PCDHA12: variants seen among roughly 807,000 people sequenced by gnomAD.
The protein encoded by PCDHA12 is protocadherin alpha 12.
A neutral mutation model predicts 60.0 loss-of-function variants in PCDHA12; 44 were observed. The observed-to-expected ratio is 0.73, with a 90% CI of 0.58 to 0.94. The LOEUF (loss-of-function observed/expected upper bound fraction) is 0.94, where lower values mean the gene tolerates loss of function less well. PCDHA12 is among the 40% of genes least tolerant of loss of function. The pLI, the probability that PCDHA12 is intolerant of heterozygous loss-of-function variation, is 0.00. For missense variants in PCDHA12, 1,276 were observed against 1,239.7 expected, an observed-to-expected ratio of 1.03 and a Z score of -0.44; for synonymous variants, 569 against 553.0, an observed-to-expected ratio of 1.03 and a Z score of -0.40.
At chr5:140,915,232 C>T (rs1554196813) in intron 1 of PCDHA12, among the ~76,000 whole-genome samples, 1 of 152,156 alleles carries the variant, frequency 6.6e-6, no homozygotes, top group Non-Finnish European at 1.5e-5. Flanking sequence ...CAGGCATGAG[C>T]CACCATGCCT....
chr5:140,884,192 G>A, intron 1 of PCDHA12: 1 of 1,613,428 alleles, frequency 6.2e-7, no homozygotes, highest in Non-Finnish European at 8.5e-7. Context: ...CGAGGTGGAC[G>A]CGCCGCACCA....
intron 3 of PCDHA12, among the ~76,000 whole-genome samples, chr5:141,007,425 A>G (rs369535619): frequency 6.6e-4 from 98 of 148,834 alleles, no homozygotes; most frequent in African/African-American, 2.3e-3. Context: ...AAAATTAGCC[A>G]GGCATGGTGG....
At chr5:141,005,113 G>A (rs2098197843) in intron 3 of PCDHA12, among the ~76,000 whole-genome samples, 1 of 152,184 alleles carries the variant, frequency 6.6e-6, no homozygotes, top group South Asian at 2.1e-4. Flanking sequence ...ATTGTCTTTA[G>A]GGACCCCAAA....
At chr5:140,996,098 A>G (rs1173929406) in intron 3 of PCDHA12, among the ~76,000 whole-genome samples, 1 of 152,214 alleles carries the variant, frequency 6.6e-6, no homozygotes, top group Non-Finnish European at 1.5e-5. Context: ...ATTACATGGA[A>G]TGGTATGGAA....
chr5:140,954,698 A>C (rs185399105), intron 1 of PCDHA12, among the ~76,000 whole-genome samples: 5 of 152,208 alleles, frequency 3.3e-5, no homozygotes, highest in African/African-American at 1.2e-4. Context: ...TAGACTACAA[A>C]ATTTTTCTCC....
At position 140,994,426 on chromosome 5, in the gene PCDHA12, G is replaced by A. The variant is rs994056098; in HGVS notation, c.2515+11863G>A. Among the ~76,000 whole-genome samples the A allele has an allele frequency of 3.9e-5, 6 of 152,110 alleles. No homozygotes were observed. In the East Asian group the frequency reaches 1.2e-3, roughly 29 times the overall value. ...CATTTAATACTGGATATTGAGGCCG[G>A]GCGCAGTGGCTCACACCTGTGATCC... On this transcript the variant is annotated intron_variant, in intron 3 of 3. Coordinates refer to ENST00000398631, the MANE Select transcript of PCDHA12 (RefSeq NM_018903.4).
intron 2 of PCDHA12, among the ~76,000 whole-genome samples, chr5:140,981,838 C>T (rs916108739): frequency 3.9e-5 from 6 of 152,086 alleles, no homozygotes; most frequent in Admixed American, 6.6e-5. Context: ...AAAGGTCTCC[C>T]AGTTTGTATC....
intron 1 of PCDHA12, among the ~76,000 whole-genome samples, chr5:140,950,271 T>C (rs1202365274): frequency 6.6e-6 from 1 of 152,058 alleles, no homozygotes; most frequent in Non-Finnish European, 1.5e-5. Flanking sequence ...ATCCATAATG[T>C]CTTTTTGCTT....
chr5:140,955,324 T>G (rs1358791050), intron 1 of PCDHA12, among the ~76,000 whole-genome samples: 8 of 152,186 alleles, frequency 5.3e-5, no homozygotes, highest in Non-Finnish European at 8.8e-5. Flanking sequence ...CCTTGAATTG[T>G]AGTTCCCATA....
Position 140,877,590 on chromosome 5 carries a change from G to T in PCDHA12, c.2118G>T (p.Ala706=). 1.2e-6 allele frequency: 2 copies of T among 1,613,826 alleles called. No individual in the cohort carries two copies. Among genetic ancestry groups the T allele is most frequent in the Non-Finnish European group, 1.7e-6 (2 of 1,179,904 alleles). The change falls in exon 1 of 4, where the codon GCG becomes GCT. Residue 706 remains alanine (A), a synonymous_variant. Transcript: ENST00000398631. ...INVYLIIAIC[A]VSSLLVLTLL... is the part of the protein sequence containing the mutation. ...TGTACCTCATCATCGCCATCTGTGC[G>T]GTGTCCAGCCTGCTGGTGCTCACGC...
chr5:140,995,353 G>A lies in PCDHA12; in HGVS notation c.2515+12790G>A, dbSNP rs922727759. 8.5e-5 allele frequency among the ~76,000 whole-genome samples: 13 copies of A among 152,138 alleles called. 1 individual carries two copies. The highest frequency in any genetic ancestry group is 4.2e-4 in the South Asian group (2 of 4,804). ...GTAGTGTAGACGGCATGGATAGGTC[G>A]GACAGAGGGATGATTCACGTACTGG... On this transcript the variant is annotated intron_variant, in intron 3 of 3. Transcript: ENST00000398631.
chr5:140,980,110 A>G (rs2096876892), intron 2 of PCDHA12, among the ~76,000 whole-genome samples: 1 of 152,208 alleles, frequency 6.6e-6, no homozygotes, highest in Admixed American at 6.5e-5. Context: ...GTCACATTGG[A>G]ACCTGGGTCA....
intron 1 of PCDHA12, chr5:140,927,852 A>C: frequency 6.2e-7 from 1 of 1,614,218 alleles, no homozygotes; most frequent in Non-Finnish European, 8.5e-7. Flanking sequence ...TCTTTGGTTT[A>C]GCTAGCACCG....
At chr5:140,989,598 T>C (rs369591964) in intron 3 of PCDHA12, among the ~76,000 whole-genome samples, 431 of 152,260 alleles carry the variant, frequency 2.8e-3, no homozygotes, top group Middle Eastern at 6.8e-3. Flanking sequence ...CTGACACAAG[T>C]AAACTAAAAA....
chr5:140,877,902 C>T (rs2153356896), intron 1 of PCDHA12, 63 bp downstream of exon 1: 1 of 1,438,302 alleles, frequency 7.0e-7, no homozygotes, highest in Middle Eastern at 2.3e-4. Flanking sequence ...TAGGTTATAA[C>T]TACATTCTCT....
chr5:140,979,002 G>A lies in PCDHA12; in HGVS notation c.2421G>A (p.Met807Ile). 6.2e-7 allele frequency: 1 copy of A among 1,614,130 alleles called. No homozygotes were observed. The highest frequency in any genetic ancestry group is 8.5e-7 in the Non-Finnish European group (1 of 1,180,014). ...WRYSASLRAG[M>I]HSSVHLEEAG... ...ACTCTGCCTCCCTGAGAGCAGGCAT[G>A]CACAGGTATGTATTTCCCTCCTCAT... The change falls in exon 2 of 4, where the codon ATG becomes ATA. Residue 807 changes from methionine (M) to isoleucine (I), a missense_variant. Transcript: ENST00000398631.
chr5:141,005,701 C>CAAAA (rs59860837), intron 3 of PCDHA12, among the ~76,000 whole-genome samples: 118 of 7,756 alleles, frequency 0.015, 2 homozygotes, highest in East Asian at 0.044. Flanking sequence ...AACTCCGTCT[C>CAAAA]AAAAAAAAAA....
intron 1 of PCDHA12, among the ~76,000 whole-genome samples, chr5:140,977,003 T>G (rs1382476176): frequency 6.6e-6 from 1 of 152,248 alleles, no homozygotes; most frequent in Non-Finnish European, 1.5e-5. Flanking sequence ...AGAAATCTTG[T>G]AACTGTGATT....
chr5:140,925,947 G>A (rs1447488918), intron 1 of PCDHA12, among the ~76,000 whole-genome samples: 1 of 152,066 alleles, frequency 6.6e-6, no homozygotes, highest in Non-Finnish European at 1.5e-5. Flanking sequence ...CTTGGAGAAG[G>A]AGAAACTGCT....
Sources: allele counts gnomAD v4.1 joint callset (sites outside exome capture counted in the v4.1 genomes callset), GRCh38; gene constraint gnomAD v4.1.1; transcripts MANE v1.5; gene names NCBI Gene and HGNC (gene_info 2026-07-23, HGNC 2026-07-21).